PGF: variants seen among roughly 807,000 people sequenced by gnomAD.
PGF encodes the protein placental growth factor, also known as placenta growth factor.
In PGF, 11 loss-of-function variants were observed where a neutral mutation model predicts 25.3. That is an observed-to-expected ratio of 0.43 (90% CI 0.27 to 0.72). The LOEUF is 0.72. Among genes scored for constraint, PGF ranks in the 30% least tolerant of loss-of-function variants. The pLI is 0.18. For synonymous variants in PGF, 105 were observed against 97.9 expected, an observed-to-expected ratio of 1.07 and a Z score of -0.43; for missense variants, 230 against 234.9, an observed-to-expected ratio of 0.98 and a Z score of 0.14.
intron 6 of PGF, among the ~76,000 whole-genome samples, chr14:74,943,973 CT>C: frequency 6.6e-6 from 1 of 150,546 alleles, no homozygotes; most frequent in Non-Finnish European, 1.5e-5. Flanking sequence ...ATTAAAAGTA[CT>C]GTTACACTAG....
intron 6 of PGF, 53 bp from the exon 7 acceptor site, chr14:74,942,786 C>T (rs1348788786): frequency 1.3e-5 from 20 of 1,556,200 alleles, no homozygotes; most frequent in South Asian, 5.8e-5. Context: ...GTGGAGGGTG[C>T]GGTCTCCTCC....
At chr14:74,951,322 A>G (rs944878863) in intron 2 of PGF, among the ~76,000 whole-genome samples, 1 of 152,126 alleles carries the variant, frequency 6.6e-6, no homozygotes, top group African/African-American at 2.4e-5. Flanking sequence ...TCTCTCCCCA[A>G]AGGCGCCCAA....
chr14:74,942,753 G>A lies in PGF; in HGVS notation c.486-20C>T. The A allele has an allele frequency of 1.9e-6, 3 of 1,607,064 alleles. No homozygotes were observed. The highest frequency in any genetic ancestry group is 2.5e-6 in the Non-Finnish European group (3 of 1,177,402). On this transcript the variant is annotated intron_variant, in intron 6 of 6. Coordinates refer to ENST00000555567, the MANE Select transcript of PGF (RefSeq NM_002632.6). ...CCGCACCTGCCAGAGACCAAGCACAGACGGGGCGGGTATCAGCACACTGTG... is the reference window on the plus strand; with the variant it reads ...CCGCACCTGCCAGAGACCAAGCACAAACGGGGCGGGTATCAGCACACTGTG...
At chr14:74,948,276 G>A in intron 4 of PGF, 1 of 445,616 alleles carries the variant, frequency 2.2e-6, no homozygotes. Flanking sequence ...TATCTCAACA[G>A]CTGTACCCCA....
At chr14:74,948,734 G>C in intron 3 of PGF, 151 bp from the exon 4 acceptor site, 1 of 512,256 alleles carries the variant, frequency 2.0e-6, no homozygotes, top group Non-Finnish European at 3.5e-6. Context: ...GGGGCAAACA[G>C]CTCTCTCAGC....
chr14:74,942,705 G>T lies in PGF; in HGVS notation c.*1C>A. 4 of 1,612,200 alleles carry T rather than the reference G, an allele frequency of 2.5e-6. No homozygotes were observed. The highest frequency in any genetic ancestry group is 3.4e-6 in the Non-Finnish European group (4 of 1,179,220). On this transcript the variant is annotated 3_prime_UTR_variant, in exon 7 of 7. Transcript: ENST00000555567. ...GGGGTCTCTCTCCTCCAAGGGGTGGGTTACCTCCGGGGAACAGCATCGCCG... is the reference window on the plus strand; with the variant it reads ...GGGGTCTCTCTCCTCCAAGGGGTGGTTTACCTCCGGGGAACAGCATCGCCG...
At chr14:74,942,762 G>A (rs756290377) in intron 6 of PGF, 29 bp from the exon 7 acceptor site, 4 of 1,603,534 alleles carry the variant, frequency 2.5e-6, no homozygotes, top group South Asian at 1.1e-5. Flanking sequence ...AGACGGGGCG[G>A]GTATCAGCAC....
At chr14:74,948,322 G>GT (rs1231832229) in intron 4 of PGF, 185 bp downstream of exon 4, 1 of 485,586 alleles carries the variant, frequency 2.1e-6, no homozygotes, top group East Asian at 3.4e-5. Flanking sequence ...AAACTGGCTG[G>GT]TGGGGGGACA....
In PGF at chr14:74,950,458, T is replaced by C. The variant is rs1176599141; in HGVS notation, c.119-905A>G. 6.6e-6 allele frequency among the ~76,000 whole-genome samples: 1 copy of C among 152,180 alleles called. No individual in the cohort carries two copies. Among genetic ancestry groups the C allele is most frequent in the Non-Finnish European group, 1.5e-5 (1 of 68,022 alleles). On this transcript the variant is annotated intron_variant, in intron 2 of 6. Coordinates refer to ENST00000555567, the MANE Select transcript of PGF (RefSeq NM_002632.6). This position sits in a 1 kb window ranked among gnomAD's most constrained non-coding sequence, Gnocchi z 4.1. ...TGATTAGATGACATTTCACTGAGGA[T>C]CATCCGGGTCATCCCTGACCTCACG... is the stretch of plus-strand genomic sequence containing the variant.
intron 1 of PGF, chr14:74,954,288 C>T: frequency 3.4e-6 from 1 of 291,446 alleles, no homozygotes; most frequent in Non-Finnish European, 6.6e-6. Context: ...CCTGCACAGC[C>T]CGCCTTGGCT....
At chr14:74,943,512 C>A (rs931854537) in intron 6 of PGF, among the ~76,000 whole-genome samples, 16 of 152,210 alleles carry the variant, frequency 1.1e-4, no homozygotes, top group Admixed American at 2.6e-4. Context: ...CTTGAGATTT[C>A]TGGCAAATAA....
chr14:74,946,170 C>T (rs745467506), intron 6 of PGF, 43 bp downstream of exon 6: 69 of 1,588,528 alleles, frequency 4.3e-5, no homozygotes, highest in East Asian at 6.7e-5. Flanking sequence ...GGGCTCCCCT[C>T]GGGCCCAGCC....
Position 74,955,147 on chromosome 14 carries a change from C to A in PGF, c.75+21G>T. 7.1e-7 allele frequency: 1 copy of A among 1,405,814 alleles called. No individual in the cohort carries two copies. The highest frequency in any genetic ancestry group is 9.4e-7 in the Non-Finnish European group (1 of 1,059,588). 87.1% of individuals were successfully genotyped at this position (1,405,814 alleles called of 1,614,324 possible). On this transcript the variant is annotated intron_variant, in intron 1 of 6. Coordinates refer to ENST00000555567, the MANE Select transcript of PGF (RefSeq NM_002632.6). This position sits in a 1 kb window ranked among gnomAD's most constrained non-coding sequence, Gnocchi z 4.1. ...GGATGGGGAGGTCTGGGGAGCCAGG[C>A]TAGGTGGGGGTAGCTCTTACCTGGG... is the stretch of plus-strand genomic sequence containing the variant.
At position 74,942,515 on chromosome 14, in the gene PGF, C is replaced by T. The variant is rs527459761; in HGVS notation, c.*191G>A. 8.3e-5 allele frequency: 52 copies of T among 626,744 alleles called. 1 individual carries two copies. In the South Asian group the frequency reaches 8.6e-4, roughly 10 times the overall value. 38.8% of individuals were successfully genotyped at this position (626,744 alleles called of 1,614,324 possible). ...CTGTGGCTGGCTTCTCTCTTTCTCTCACGTTGTTGAAGGCACTGAATTCCT... is the reference window on the plus strand; with the variant it reads ...CTGTGGCTGGCTTCTCTCTTTCTCTTACGTTGTTGAAGGCACTGAATTCCT... On this transcript the variant is annotated 3_prime_UTR_variant, in exon 7 of 7. Transcript: ENST00000555567.
chr14:74,955,318 G>A lies in PGF; in HGVS notation c.-76C>T. 1 of 901,506 alleles carries A rather than the reference G, an allele frequency of 1.1e-6. No homozygotes were observed. The highest frequency in any genetic ancestry group is 1.6e-6 in the Non-Finnish European group (1 of 641,608). 55.8% of individuals were successfully genotyped at this position (901,506 alleles called of 1,614,324 possible). A position where few individuals can be genotyped will look rare whatever the true frequency, so the allele number is the denominator to read the frequency against. On this transcript the variant is annotated 5_prime_UTR_variant, in exon 1 of 7. Transcript: ENST00000555567. The surrounding 1 kb of genome is among the most constrained non-coding windows in gnomAD (Gnocchi z 4.1). ...ATCCCCCGGGGAGCCCCTGGCACAG[G>A]AGGAGAAGAGCTGAGTGGGGGGCTG...
In PGF at chr14:74,955,195, C is replaced by T; in HGVS notation, c.48G>A (p.Gly16=). The change falls in exon 1 of 7, where the codon GGG becomes GGA. Residue 16 remains glycine (G), a synonymous_variant. Coordinates refer to ENST00000555567, the MANE Select transcript of PGF (RefSeq NM_002632.6). The surrounding 1 kb of genome is among the most constrained non-coding windows in gnomAD (Gnocchi z 4.1). ...GGGGGGGCACAGCAGGCAGCGCCAGCCCGGCCAGGAGCTGCAGGAAGCAAG... is the reference window on the plus strand; with the variant it reads ...GGGGGGGCACAGCAGGCAGCGCCAGTCCGGCCAGGAGCTGCAGGAAGCAAG... ...LFPCFLQLLA[G]LALPAVPPQQ... 6.7e-7 allele frequency: 1 copy of T among 1,487,518 alleles called. No individual in the cohort carries two copies. The highest frequency in any genetic ancestry group is 9.0e-7 in the Non-Finnish European group (1 of 1,110,930). 92.1% of individuals were successfully genotyped at this position (1,487,518 alleles called of 1,614,324 possible).
At position 74,942,134 on chromosome 14, in the gene PGF, G is replaced by A. The variant is rs1210359251; in HGVS notation, c.*572C>T. On this transcript the variant is annotated 3_prime_UTR_variant, in exon 7 of 7. Coordinates refer to ENST00000555567, the MANE Select transcript of PGF (RefSeq NM_002632.6). Reference sequence around the variant, plus strand: ...GTACAAGCAAATGGCAAAGTGTGAGGGGAGATCACGGGGGACAAGGAGTGG... The same window carrying A: ...GTACAAGCAAATGGCAAAGTGTGAGAGGAGATCACGGGGGACAAGGAGTGG... The A allele has an allele frequency of 6.4e-6, 1 of 156,790 alleles. No individual in the cohort carries two copies. The highest frequency in any genetic ancestry group is 1.4e-5 in the Non-Finnish European group (1 of 71,330). 9.7% of individuals were successfully genotyped at this position (156,790 alleles called of 1,614,324 possible).
At chr14:74,946,182 C>T (rs1233138290) in intron 6 of PGF, 31 bp downstream of exon 6, 1 of 1,607,928 alleles carries the variant, frequency 6.2e-7, no homozygotes, top group Non-Finnish European at 8.5e-7. Context: ...GGCCCAGCCT[C>T]CTCGCCATCC....
At position 74,948,582 on chromosome 14, in the gene PGF, A is replaced by T. The variant is rs748326726; in HGVS notation, c.317T>A (p.Leu106His). 3.8e-6 allele frequency: 6 copies of T among 1,596,218 alleles called. No individual in the cohort carries two copies. Among genetic ancestry groups the T allele is most frequent in the African/African-American group, 1.3e-5 (1 of 74,434 alleles). ...CCGGTCCCCAGAACGGATCTTTAGGAGCTGAAGGAAGAAAGAGTTGATGCC... is the reference window on the plus strand; with the variant it reads ...CCGGTCCCCAGAACGGATCTTTAGGTGCTGAAGGAAGAAAGAGTTGATGCC... ...PVETANVTMQ[L>H]LKIRSGDRPS... Residue 106 changes from leucine (L) to histidine (H), a missense_variant and splice_region_variant, in exon 4 of 7, where the codon CTC (leucine) becomes CAC (histidine). Coordinates refer to ENST00000555567, the MANE Select transcript of PGF (RefSeq NM_002632.6).
Sources: gnomAD v4.1 joint callset for allele counts (sites outside exome capture counted in the v4.1 genomes callset) on GRCh38, gnomAD v4.1.1 for gene constraint, Gnocchi (gnomAD v3.1) non-coding constraint, MANE v1.5 for transcripts, NCBI Gene and HGNC (gene_info 2026-07-23, HGNC 2026-07-21) for gene names.